Variants in PDE4B observed in about 807,000 individuals in gnomAD.
PDE4B encodes 3',5'-cyclic-AMP phosphodiesterase 4B.
In PDE4B, 20 loss-of-function variants were observed where a neutral mutation model predicts 82.2. That is an observed-to-expected ratio of 0.24 (90% CI 0.17 to 0.35). The LOEUF is 0.35. Among genes scored for constraint, PDE4B ranks in the 10% least tolerant of loss-of-function variants. The pLI is 1.00. For synonymous variants in PDE4B, 320 were observed against 318.9 expected, an observed-to-expected ratio of 1.00 and a Z score of -0.04; for missense variants, 655 against 907.2, an observed-to-expected ratio of 0.72 and a Z score of 3.57.
chr1:65,811,198 A>T (rs1645815573), intron 1 of PDE4B, among the ~76,000 whole-genome samples: 1 of 152,252 alleles, frequency 6.6e-6, no homozygotes, highest in African/African-American at 2.4e-5. Flanking sequence ...TCATATCATT[A>T]TGATCTCAGC....
At chr1:66,278,850 T>TTGTGTGTG (rs369771725) in intron 7 of PDE4B, among the ~76,000 whole-genome samples, 1 of 141,500 alleles carries the variant, frequency 7.1e-6, no homozygotes, top group Admixed American at 7.1e-5. Context: ...GTATGTGTGT[T>TTGTGTGTG]TGTGTGTGTG....
chr1:66,136,426 G>C (rs1268736605), intron 3 of PDE4B, among the ~76,000 whole-genome samples: 1 of 152,136 alleles, frequency 6.6e-6, no homozygotes, highest in African/African-American at 2.4e-5. Flanking sequence ...AAAGGGGCAG[G>C]GCACAGTGGC....
At chr1:66,259,369 A>G (rs1392926565) in intron 6 of PDE4B, among the ~76,000 whole-genome samples, 1 of 152,156 alleles carries the variant, frequency 6.6e-6, no homozygotes, top group Non-Finnish European at 1.5e-5. Context: ...CAATCAGACC[A>G]GGTCTCTAGC....
chr1:66,190,543 C>A (rs1227552362), intron 3 of PDE4B, among the ~76,000 whole-genome samples: 1 of 152,214 alleles, frequency 6.6e-6, no homozygotes, highest in Non-Finnish European at 1.5e-5. Context: ...GCGGGCACCC[C>A]TCCCCCAGCC....
chr1:65,960,004 C>T (rs1292402634), intron 3 of PDE4B, among the ~76,000 whole-genome samples: 1 of 152,104 alleles, frequency 6.6e-6, no homozygotes, highest in African/African-American at 2.4e-5. Flanking sequence ...AGCCACGTGC[C>T]TGGCTCACAT....
At chr1:65,888,535 G>C (rs1211599092) in intron 1 of PDE4B, among the ~76,000 whole-genome samples, 2 of 152,050 alleles carry the variant, frequency 1.3e-5, no homozygotes, top group African/African-American at 4.8e-5. Context: ...AAATTGCTTT[G>C]GACAGTATGG....
Position 66,312,981 on chromosome 1 carries a change from T to A in PDE4B, c.635-19527T>A, listed in dbSNP as rs193212138. ...AACATCACTCACAACCTTGTGGATA[T>A]CTGCTTCATGTTTTAATTACAACCC... On this transcript the variant is annotated intron_variant, in intron 7 of 16. Transcript: ENST00000341517. Among the ~76,000 whole-genome samples, 5 of 152,328 alleles carry A rather than the reference T, an allele frequency of 3.3e-5. No individual in the cohort carries two copies. The East Asian group carries it at 9.6e-4, about 29-fold the overall frequency.
chr1:66,049,784 C>A (rs990971367), intron 3 of PDE4B, among the ~76,000 whole-genome samples: 1 of 151,862 alleles, frequency 6.6e-6, no homozygotes, highest in East Asian at 1.9e-4. Context: ...ACCAGTAATG[C>A]CAAGAACTTA....
chr1:66,337,535 G>A (rs1305143916), intron 8 of PDE4B, among the ~76,000 whole-genome samples: 1 of 152,192 alleles, frequency 6.6e-6, no homozygotes, highest in African/African-American at 2.4e-5. Flanking sequence ...GCGGTCCAGG[G>A]CTCACGACGG....
At chr1:65,887,218 C>CTT (rs1463318755) in intron 1 of PDE4B, among the ~76,000 whole-genome samples, 2 of 16,700 alleles carry the variant, frequency 1.2e-4, no homozygotes. Flanking sequence ...TTCTTTCTTT[C>CTT]TTTCTTTCTT....
At chr1:66,345,850 C>T (rs1661356157) in intron 8 of PDE4B, among the ~76,000 whole-genome samples, 2 of 152,136 alleles carry the variant, frequency 1.3e-5, no homozygotes, top group South Asian at 4.1e-4. Flanking sequence ...TTATTCCTAC[C>T]CTTCTCTTTC....
chr1:66,096,054 T>A (rs894269119), intron 3 of PDE4B, among the ~76,000 whole-genome samples: 6 of 151,794 alleles, frequency 4.0e-5, no homozygotes, highest in African/African-American at 1.4e-4. Flanking sequence ...TCTAGCTATT[T>A]GAAACTGTAT....
intron 9 of PDE4B, among the ~76,000 whole-genome samples, chr1:66,358,794 A>C (rs1023712132): frequency 2.4e-4 from 37 of 152,200 alleles, no homozygotes; most frequent in Admixed American, 1.4e-3. Flanking sequence ...CTTAAACTTG[A>C]AGAGCAATAT....
chr1:66,365,641 G>A lies in PDE4B; in HGVS notation c.1285-26G>A, dbSNP rs1663186449. 5 of 1,412,406 alleles carry A rather than the reference G, an allele frequency of 3.5e-6. No individual in the cohort carries two copies. The Admixed American group carries it at 5.0e-5, about 14-fold the overall frequency. The allele number at this position is 1,412,406 out of a possible 1,614,324, so 87.5% of individuals were successfully genotyped here. On this transcript the variant is annotated intron_variant, in intron 12 of 16. Coordinates refer to ENST00000341517, the MANE Select transcript of PDE4B (RefSeq NM_002600.4). ...GCAGGATAGGCGAATTGGATGTGTA[G>A]TTAAATGTGTTTATTTGCCCGACAG...
At chr1:66,054,051 T>C (rs897647674) in intron 3 of PDE4B, among the ~76,000 whole-genome samples, 1 of 152,138 alleles carries the variant, frequency 6.6e-6, no homozygotes, top group African/African-American at 2.4e-5. Flanking sequence ...CCTACACTTT[T>C]AAGCACCTAG....
At chr1:65,803,000 A>T (rs1645712918) in intron 1 of PDE4B, among the ~76,000 whole-genome samples, 1 of 152,124 alleles carries the variant, frequency 6.6e-6, no homozygotes, top group Non-Finnish European at 1.5e-5. Flanking sequence ...ATAAAATGTT[A>T]TGCTTTTTTG....
intron 3 of PDE4B, among the ~76,000 whole-genome samples, chr1:66,012,153 G>A (rs1652521379): frequency 6.6e-6 from 1 of 152,012 alleles, no homozygotes; most frequent in Non-Finnish European, 1.5e-5. Context: ...GAACTCCTAG[G>A]GGTTGTTTAT....
intron 1 of PDE4B, among the ~76,000 whole-genome samples, chr1:65,855,243 C>A (rs1341006652): frequency 2.0e-5 from 3 of 151,640 alleles, no homozygotes; most frequent in Non-Finnish European, 4.4e-5. Context: ...TTTCCAGTTT[C>A]TTTTCCATTT....
chr1:66,247,434 C>T (rs762124862), intron 3 of PDE4B, 26 bp from the exon 4 acceptor site: 5 of 1,517,808 alleles, frequency 3.3e-6, no homozygotes, highest in Admixed American at 4.2e-5. Flanking sequence ...TATCATGTGA[C>T]CAGAGTTTCC....
Sources: allele counts gnomAD v4.1 joint callset (sites outside exome capture counted in the v4.1 genomes callset), GRCh38; gene constraint gnomAD v4.1.1; transcripts MANE v1.5; gene names NCBI Gene and HGNC (gene_info 2026-07-23, HGNC 2026-07-21).